The following ATXN8OS variants were observed in gnomAD, a reference collection of about 807,000 sequenced individuals.
ATXN8OS encodes the protein ATXN8 opposite strand (non-protein coding).
intron 4 of ATXN8OS, among the ~76,000 whole-genome samples, chr13:70,167,660 T>C (rs1394011596): frequency 7.0e-6 from 1 of 143,696 alleles, no homozygotes; most frequent in Non-Finnish European, 1.5e-5. Context: ...TAAAGTATAA[T>C]AATAACTTAA....
intron 4 of ATXN8OS, among the ~76,000 whole-genome samples, chr13:70,150,701 A>G (rs1025575112): frequency 1.1e-4 from 17 of 152,098 alleles, no homozygotes; most frequent in Admixed American, 8.5e-4. Context: ...TGACTCCTCT[A>G]GGAAGTATTT....
chr13:70,160,782 ATATT>A lies in ATXN8OS; in HGVS notation n.574-8963_574-8960del, dbSNP rs1346592676. ...ATTTATATAATATGTAAATATATAA[ATATT>A]TATTTATAAATATATTTATTATAAA... On this transcript the variant is annotated intron_variant and non_coding_transcript_variant, in intron 4 of 4. Coordinates refer to ENST00000678624, the Ensembl canonical transcript of ATXN8OS. Among the ~76,000 whole-genome samples the A allele has an allele frequency of 1.3e-4, 5 of 37,884 alleles. 1 individual carries two copies. The highest frequency in any genetic ancestry group is 2.4e-4 in the African/African-American group (5 of 20,912). 24.9% of individuals were successfully genotyped at this position (37,884 alleles called of 152,430 possible).
intron 3 of ATXN8OS, among the ~76,000 whole-genome samples, chr13:70,139,778 G>A (rs1407426880): frequency 6.6e-6 from 1 of 152,118 alleles, no homozygotes; most frequent in African/African-American, 2.4e-5. Flanking sequence ...TTAAGTGGAT[G>A]AATGCTTTAT....
At chr13:70,139,380 ACTACTGCTGCTGCTGCTGCTG>A (rs143757288) in intron 3 of ATXN8OS, 55,505 of 571,350 alleles carry the variant, frequency 0.097, 2,910 homozygotes, top group East Asian at 0.17. Context: ...TACTACTACT[ACTACTGCTGCTGCTGCTGCTG>A]CTGCTGCTGC....
chr13:70,127,309 G>C (rs1005064054), intron 2 of ATXN8OS, among the ~76,000 whole-genome samples: 1 of 151,920 alleles, frequency 6.6e-6, no homozygotes, highest in Non-Finnish European at 1.5e-5. Context: ...AGTATTGCTA[G>C]CTGTTCTTTA....
rs1888998903 is a variant in ATXN8OS at position 70,160,803 on chromosome 13, T to TAA, written n.574-8949_574-8948insAA. On this transcript the variant is annotated intron_variant and non_coding_transcript_variant, in intron 4 of 4. Coordinates refer to ENST00000678624, the Ensembl canonical transcript of ATXN8OS. ...ATAAATATTTATTTATAAATATATT[T>TAA]ATTATAAATATATATAAATATATAT... is the stretch of plus-strand genomic sequence containing the variant. 2.0e-4 allele frequency among the ~76,000 whole-genome samples: 3 copies of TAA among 15,122 alleles called. 1 individual carries two copies. The highest frequency in any genetic ancestry group is 3.6e-4 in the African/African-American group (3 of 8,392). 9.9% of individuals were successfully genotyped at this position (15,122 alleles called of 152,430 possible).
At chr13:70,134,644 G>A (rs969350220) in intron 3 of ATXN8OS, among the ~76,000 whole-genome samples, 2 of 152,188 alleles carry the variant, frequency 1.3e-5, no homozygotes, top group African/African-American at 2.4e-5. Context: ...AAACATGATA[G>A]AGGCAAGCAC....
intron 3 of ATXN8OS, among the ~76,000 whole-genome samples, chr13:70,131,997 A>G (rs1415018838): frequency 6.6e-6 from 1 of 152,188 alleles, no homozygotes. Flanking sequence ...TTCCAAATAG[A>G]TAACAAGGAG....
intron 1 of ATXN8OS, among the ~76,000 whole-genome samples, chr13:70,112,698 T>C (rs1030578258): frequency 1.3e-5 from 2 of 152,160 alleles, no homozygotes; most frequent in Admixed American, 1.3e-4. Context: ...AGTTGAGGAA[T>C]TCTTATATAA....
Position 70,111,295 on chromosome 13 carries a change from C to T in ATXN8OS, n.240+3276C>T, listed in dbSNP as rs996119906. Among the ~76,000 whole-genome samples the T allele has an allele frequency of 3.9e-5, 6 of 152,072 alleles. No homozygotes were observed. In the South Asian group the frequency reaches 8.3e-4, roughly 21 times the overall value. On this transcript the variant is annotated intron_variant and non_coding_transcript_variant, in intron 1 of 4. Coordinates refer to ENST00000678624, the Ensembl canonical transcript of ATXN8OS. ...ATTATCTGTTACTTGTAATAGAAAA[C>T]CTGAAGGTGGGTAACTTATAAAGAT...
At chr13:70,131,980 A>G (rs543338509) in intron 3 of ATXN8OS, among the ~76,000 whole-genome samples, 9 of 152,192 alleles carry the variant, frequency 5.9e-5, no homozygotes, top group Non-Finnish European at 1.2e-4. Context: ...GCACATACCT[A>G]TATGTGTTCC....
chr13:70,116,488 G>T (rs1298168368), intron 2 of ATXN8OS, among the ~76,000 whole-genome samples: 1 of 152,166 alleles, frequency 6.6e-6, no homozygotes, highest in Admixed American at 6.6e-5. Flanking sequence ...ATAAAGTTTG[G>T]TGTATTTAAG....
At chr13:70,125,392 G>T (rs1163146081) in intron 2 of ATXN8OS, among the ~76,000 whole-genome samples, 1 of 152,018 alleles carries the variant, frequency 6.6e-6, no homozygotes, top group Non-Finnish European at 1.5e-5. Context: ...TGCATCCAAT[G>T]AATAAGAGAT....
intron 3 of ATXN8OS, among the ~76,000 whole-genome samples, chr13:70,147,301 A>G (rs1380143651): frequency 2.6e-5 from 4 of 152,196 alleles, no homozygotes; most frequent in Non-Finnish European, 4.4e-5. Flanking sequence ...TATAGAGAAA[A>G]TAAGTATAAT....
chr13:70,146,763 G>T (rs1164279182), intron 3 of ATXN8OS, among the ~76,000 whole-genome samples: 2 of 149,794 alleles, frequency 1.3e-5, no homozygotes, highest in Non-Finnish European at 3.0e-5. Context: ...GGGAACTGTT[G>T]TGGGGTCGGG....
intron 2 of ATXN8OS, among the ~76,000 whole-genome samples, chr13:70,116,414 C>T (rs966147607): frequency 1.3e-5 from 2 of 152,078 alleles, no homozygotes; most frequent in African/African-American, 4.8e-5. Flanking sequence ...AAAGCATGGA[C>T]TGTTCGTGTA....
intron 1 of ATXN8OS, among the ~76,000 whole-genome samples, chr13:70,113,537 G>A (rs1888230852): frequency 6.6e-6 from 1 of 152,072 alleles, no homozygotes; most frequent in African/African-American, 2.4e-5. Context: ...GTGGGGTAAG[G>A]TGAGTCCCCT....
chr13:70,159,057 C>T (rs1442791592), intron 4 of ATXN8OS, among the ~76,000 whole-genome samples: 1 of 151,592 alleles, frequency 6.6e-6, no homozygotes, highest in Non-Finnish European at 1.5e-5. Flanking sequence ...GATAATGATT[C>T]ATTTCATTTT....
At chr13:70,152,360 T>TATACATATATATACAC (rs1491138028) in intron 4 of ATXN8OS, among the ~76,000 whole-genome samples, 2 of 151,696 alleles carry the variant, frequency 1.3e-5, no homozygotes, top group Admixed American at 6.6e-5. Flanking sequence ...TGTGTGTGTG[T>TATACATATATATACAC]ATATATACAT....
Sources: allele counts gnomAD v4.1 joint callset (sites outside exome capture counted in the v4.1 genomes callset), GRCh38; gene constraint gnomAD v4.1.1; transcripts MANE v1.5; gene names NCBI Gene and HGNC (gene_info 2026-07-23, HGNC 2026-07-21).